Variants in IMPG1 observed in about 807,000 individuals in gnomAD.
The protein encoded by IMPG1 is interphotoreceptor matrix proteoglycan of 150 kDa.
IMPG1 carries 85 observed loss-of-function variants against 92.0 expected under a neutral mutation model. That is an observed-to-expected ratio of 0.92 (90% CI 0.78 to 1.11). The LOEUF (loss-of-function observed/expected upper bound fraction) is 1.11, where lower values mean the gene tolerates loss of function less well. IMPG1 is among the 50% of genes least tolerant of loss of function. IMPG1 has a pLI of 0.00. For missense variants in IMPG1, 1,022 were observed against 956.0 expected (o/e 1.07, Z -0.91); for synonymous variants, 367 against 334.1 (o/e 1.10, Z -1.08).
intron 6 of IMPG1, 134 bp downstream of exon 6, chr6:76,021,982 T>C (rs1248449555): frequency 6.0e-6 from 3 of 498,804 alleles, no homozygotes; most frequent in African/African-American, 6.0e-5. Context: ...ACAAAGTCAC[T>C]GACTCTTAAC....
At chr6:75,934,496 G>T (rs1781709150) in intron 14 of IMPG1, among the ~76,000 whole-genome samples, 1 of 152,108 alleles carries the variant, frequency 6.6e-6, no homozygotes, top group Non-Finnish European at 1.5e-5. Flanking sequence ...TTGTTTCCCA[G>T]CTCTCCACCG....
chr6:75,993,923 C>T (rs1301523357), intron 12 of IMPG1, among the ~76,000 whole-genome samples: 1 of 152,198 alleles, frequency 6.6e-6, no homozygotes, highest in Non-Finnish European at 1.5e-5. Flanking sequence ...TGAAAGGAAA[C>T]AGAACCAAGC....
chr6:75,922,903 AT>A (rs527901677), intron 16 of IMPG1, among the ~76,000 whole-genome samples: 26 of 148,762 alleles, frequency 1.7e-4, no homozygotes, highest in African/African-American at 2.5e-4. Context: ...ACTTTGAGGC[AT>A]TTTTTTTTTA....
At chr6:76,067,610 C>G (rs751528117) in intron 1 of IMPG1, among the ~76,000 whole-genome samples, 78 of 151,836 alleles carry the variant, frequency 5.1e-4, no homozygotes, top group South Asian at 2.9e-3. Flanking sequence ...ACCAGACATA[C>G]AAAAAAGAAT....
intron 1 of IMPG1, among the ~76,000 whole-genome samples, chr6:76,059,587 C>T (rs1049479845): frequency 6.6e-6 from 1 of 151,958 alleles, no homozygotes; most frequent in Admixed American, 6.6e-5. Context: ...TAGTAAAAAC[C>T]ACACTAAGTC....
intron 5 of IMPG1, among the ~76,000 whole-genome samples, chr6:76,023,818 T>C (rs1239858446): frequency 1.3e-5 from 2 of 152,188 alleles, no homozygotes; most frequent in Admixed American, 6.5e-5. Context: ...CTAAATCTAA[T>C]CTTGTTATTA....
At chr6:75,950,451 G>A (rs931044278) in intron 13 of IMPG1, 111 bp downstream of exon 13, 26 of 941,670 alleles carry the variant, frequency 2.8e-5, no homozygotes, top group South Asian at 2.1e-4. Context: ...CTGGCTTGGC[G>A]GTTTGTTTCT....
At chr6:75,937,644 T>C (rs9341545) in intron 14 of IMPG1, among the ~76,000 whole-genome samples, 12,165 of 152,318 alleles carry the variant, frequency 0.08, 573 homozygotes, top group East Asian at 0.23. Context: ...GTAACTATTA[T>C]TGACATTAGT....
chr6:75,960,185 C>T (rs754812608), intron 12 of IMPG1, among the ~76,000 whole-genome samples: 4 of 152,190 alleles, frequency 2.6e-5, no homozygotes, highest in African/African-American at 9.7e-5. Flanking sequence ...TCAGCTCACC[C>T]TCCGTGGGCT....
At chr6:75,974,243 G>A (rs952091459) in intron 12 of IMPG1, among the ~76,000 whole-genome samples, 8 of 151,532 alleles carry the variant, frequency 5.3e-5, no homozygotes, top group Non-Finnish European at 1.2e-4. Flanking sequence ...TTTTTAATGA[G>A]GACTTTCTTT....
chr6:76,000,785 C>A (rs1051317620), intron 12 of IMPG1, among the ~76,000 whole-genome samples: 1 of 152,084 alleles, frequency 6.6e-6, no homozygotes. Flanking sequence ...AGAGGTGAAA[C>A]CCTGTGGTGA....
intron 13 of IMPG1, among the ~76,000 whole-genome samples, chr6:75,948,345 C>T (rs1781964130): frequency 6.6e-6 from 1 of 150,850 alleles, no homozygotes; most frequent in African/African-American, 2.5e-5. Flanking sequence ...GTGATGTTCA[C>T]CTTGTCCTTG....
At chr6:75,982,481 A>G (rs916530317) in intron 12 of IMPG1, among the ~76,000 whole-genome samples, 1 of 151,834 alleles carries the variant, frequency 6.6e-6, no homozygotes, top group African/African-American at 2.4e-5. Flanking sequence ...CGGAGGTTGC[A>G]GTGAGCTGAG....
In IMPG1 at chr6:76,058,050, T is replaced by C. The variant is rs562308209; in HGVS notation, c.67+14372A>G. ...CATTGTTTGATTTGGTTTGGTTTCT[T>C]TGCCAGTGAATTTTGTGAGTCCCTA... On this transcript the variant is annotated intron_variant, in intron 1 of 16. Transcript: ENST00000369950. 6.6e-4 allele frequency among the ~76,000 whole-genome samples: 100 copies of C among 152,268 alleles called. 1 individual carries two copies. Among genetic ancestry groups the C allele is most frequent in the South Asian group, 3.5e-3 (17 of 4,824 alleles).
chr6:75,953,616 T>G (rs1259875671), intron 12 of IMPG1, among the ~76,000 whole-genome samples: 1 of 151,302 alleles, frequency 6.6e-6, no homozygotes, highest in Admixed American at 6.6e-5. Flanking sequence ...TATTATTTAT[T>G]TATATTTTTA....
chr6:76,005,575 G>T, intron 9 of IMPG1, 41 bp from the exon 10 acceptor site: 2 of 1,596,738 alleles, frequency 1.3e-6, no homozygotes, highest in Non-Finnish European at 1.7e-6. Context: ...CAAAGCCATT[G>T]TTACATGCCT....
rs371337067 is a variant in IMPG1, at chr6:76,003,900, G to A, written c.1186C>T (p.Pro396Ser). Reference protein sequence around the residue: ...AFGPDTQSELPTSFAVITEDA... With the variant: ...AFGPDTQSELSTSFAVITEDA... ...TCTGTTATAACAGCAAAAGATGTGG[G>A]CAGCTCTGATTGGGTGTCAGGACCA... is the stretch of plus-strand genomic sequence containing the variant. Residue 396 changes from proline to serine, a missense_variant, in exon 11 of 17, where the codon CCC (proline) becomes TCC (serine). Physicochemically the swap from Pro to Ser is moderately conservative, Grantham distance 74. This residue lies in a region of IMPG1 where 681 missense variants were observed against 583.6 expected (regional missense o/e 1.17). Coordinates refer to ENST00000369950, the MANE Select transcript of IMPG1 (RefSeq NM_001563.4). 31 of 1,613,036 alleles carry A rather than the reference G, an allele frequency of 1.9e-5. No individual in the cohort carries two copies. Among genetic ancestry groups the A allele is most frequent in the Non-Finnish European group, 2.6e-5 (31 of 1,179,614 alleles).
intron 1 of IMPG1, among the ~76,000 whole-genome samples, chr6:76,046,432 T>C: frequency 6.6e-6 from 1 of 152,198 alleles, no homozygotes; most frequent in East Asian, 1.9e-4. Flanking sequence ...AGTAATACAT[T>C]TGAATATTCA....
At chr6:75,998,568 A>G (rs1010797356) in intron 12 of IMPG1, among the ~76,000 whole-genome samples, 1 of 152,218 alleles carries the variant, frequency 6.6e-6, no homozygotes, top group African/African-American at 2.4e-5. Flanking sequence ...CACTTAAAAT[A>G]CTGCAATTTA....
Sources: gnomAD v4.1 joint callset for allele counts (sites outside exome capture counted in the v4.1 genomes callset) on GRCh38, gnomAD v4.1.1 for gene constraint, gnomAD v4.1.1 regional missense constraint, MANE v1.5 for transcripts, NCBI Gene and HGNC (gene_info 2026-07-23, HGNC 2026-07-21) for gene names.